Variants in PUDP observed in about 807,000 individuals in gnomAD.
PUDP encodes pseudouridine 5'-phosphatase, also known as pseudouridine-5'-phosphatase.
In PUDP, 8 loss-of-function variants were observed where a neutral mutation model predicts 9.4. The observed-to-expected ratio is 0.85, with a 90% confidence interval of 0.50 to 1.53. The LOEUF (loss-of-function observed/expected upper bound fraction) is 1.53. Ranked by LOEUF, PUDP falls within the 40% of genes most tolerant of loss-of-function variation. The pLI is 0.00. For missense variants in PUDP, 188 were observed against 189.7 expected (o/e 0.99, Z 0.05); for synonymous variants, 99 against 80.7 (o/e 1.23, Z -1.22).
At chrX:7,126,581 T>C (rs1348161927) in intron 1 of PUDP, among the ~76,000 whole-genome samples, 4 of 111,886 alleles carry the variant, frequency 3.6e-5, no homozygotes, top group Non-Finnish European at 7.5e-5. Context: ...TCTCCTTGGT[T>C]AGTAGATGCT....
chrX:7,147,991 C>T lies in PUDP; in HGVS notation c.61+62G>A, dbSNP rs1485215588. 8.7e-6 allele frequency: 8 copies of T among 920,510 alleles called. No homozygotes were observed. The East Asian group carries it at 1.2e-4, about 14-fold the overall frequency. 75.9% of individuals were successfully genotyped at this position (920,510 alleles called of 1,213,427 possible). A position where few individuals can be genotyped will look rare whatever the true frequency, so the allele number is the denominator to read the frequency against. On this transcript the variant is annotated intron_variant, in intron 1 of 3. Transcript: ENST00000381077. ...CCCCAGGCCGTGACGTACCCCGCGC[C>T]GACCGTCCCCACGCCCACACAAGAC... is the stretch of plus-strand genomic sequence containing the variant.
At chrX:7,134,076 T>C (rs1355752504) in intron 1 of PUDP, among the ~76,000 whole-genome samples, 2 of 112,175 alleles carry the variant, frequency 1.8e-5, no homozygotes, top group African/African-American at 3.2e-5. Context: ...GCCTGTGATA[T>C]GCTGCAAACC....
intron 3 of PUDP, among the ~76,000 whole-genome samples, chrX:6,925,319 AT>A (rs1347367761): frequency 9.0e-6 from 1 of 111,436 alleles, no homozygotes; most frequent in African/African-American, 3.3e-5. Context: ...ACATTTCTTC[AT>A]TTGTGTCTTC....
intron 3 of PUDP, among the ~76,000 whole-genome samples, chrX:6,737,062 A>G (rs1244996991): frequency 9.0e-6 from 1 of 111,047 alleles, no homozygotes; most frequent in Non-Finnish European, 1.9e-5. Flanking sequence ...GGACGAGACA[A>G]TGTAGAGAAA....
chrX:7,003,481 G>A (rs1489029765), intron 1 of PUDP, among the ~76,000 whole-genome samples: 2 of 111,709 alleles, frequency 1.8e-5, no homozygotes, highest in East Asian at 5.6e-4. Context: ...AACACTTAAA[G>A]GGAAACCATA....
intron 1 of PUDP, among the ~76,000 whole-genome samples, chrX:7,119,822 A>G (rs1303900548): frequency 8.9e-6 from 1 of 112,330 alleles, no homozygotes; most frequent in Non-Finnish European, 1.9e-5. Context: ...GTATGAAAAC[A>G]TATCTGTATT....
At chrX:6,825,665 A>G (rs1402371943) in intron 3 of PUDP, among the ~76,000 whole-genome samples, 1 of 110,381 alleles carries the variant, frequency 9.1e-6, no homozygotes, top group Non-Finnish European at 1.9e-5. Flanking sequence ...GCAGCATTCA[A>G]ACAAGAGGAA....
chrX:7,034,205 T>C lies in PUDP; in HGVS notation c.204+43015A>G, dbSNP rs759855569. ...ACAAGACAAAGCAGGGCACCAGCCC[T>C]ACCTTGGACCTTTCCTTAACTTGAG... On this transcript the variant is annotated intron_variant and NMD_transcript_variant, in intron 1 of 3. Transcript: ENST00000655425. Among the ~76,000 whole-genome samples the C allele has an allele frequency of 7.4e-4, 83 of 112,373 alleles. No homozygotes were observed. In the Middle Eastern group the frequency reaches 0.014, roughly 19 times the overall value.
intron 1 of PUDP, among the ~76,000 whole-genome samples, chrX:7,140,607 G>A (rs1022469437): frequency 2.7e-5 from 3 of 110,945 alleles, no homozygotes; most frequent in Admixed American, 9.6e-5. Context: ...GTGAATAATC[G>A]CAAAGATAAA....
chrX:6,717,603 C>T (rs188637794), intron 1 of PUDP, among the ~76,000 whole-genome samples: 8 of 111,980 alleles, frequency 7.1e-5, no homozygotes, highest in East Asian at 2.8e-4. Flanking sequence ...TCAGCAGGGA[C>T]GAGACCTGTG....
intron 3 of PUDP, among the ~76,000 whole-genome samples, chrX:6,743,816 T>A (rs1422611729): frequency 8.9e-6 from 1 of 112,200 alleles, no homozygotes; most frequent in African/African-American, 3.3e-5. Context: ...GCCAATTTGT[T>A]ATTTGGCATA....
chrX:6,720,256 G>GTATATATATA (rs1384554975), intron 1 of PUDP, among the ~76,000 whole-genome samples: 15 of 37,140 alleles, frequency 4.0e-4, no homozygotes, highest in African/African-American at 2.2e-3. Context: ...GTGTGTGTGT[G>GTATATATATA]TGTATATATA....
At chrX:6,754,013 G>C (rs1485040440) in intron 3 of PUDP, among the ~76,000 whole-genome samples, 1 of 111,418 alleles carries the variant, frequency 9.0e-6, no homozygotes, top group African/African-American at 3.3e-5. Flanking sequence ...TGTTTTTATT[G>C]CATGTGCTTT....
intron 3 of PUDP, among the ~76,000 whole-genome samples, chrX:6,855,643 G>A (rs978339507): frequency 2.7e-5 from 3 of 111,939 alleles, no homozygotes; most frequent in African/African-American, 9.7e-5. Flanking sequence ...TGTAGTCGGG[G>A]GAACAATTGT....
chrX:6,845,674 CTTTT>C (rs1926734911), intron 3 of PUDP, among the ~76,000 whole-genome samples: 1 of 94,747 alleles, frequency 1.1e-5, no homozygotes, highest in Non-Finnish European at 2.1e-5. Flanking sequence ...GTCTTCCTCT[CTTTT>C]CTTTACACTC....
chrX:6,741,127 C>A (rs1197421352), intron 3 of PUDP, among the ~76,000 whole-genome samples: 3 of 104,978 alleles, frequency 2.9e-5, no homozygotes, highest in South Asian at 8.6e-4. Flanking sequence ...CCACTGCACT[C>A]TAGCCTGGGC....
chrX:7,023,007 T>C (rs1261655148), intron 1 of PUDP, among the ~76,000 whole-genome samples: 1 of 111,159 alleles, frequency 9.0e-6, no homozygotes, highest in Non-Finnish European at 1.9e-5. Flanking sequence ...GAGAAAATAG[T>C]GCATGGTGCT....
At chrX:6,792,895 G>GA (rs766286666) in intron 3 of PUDP, among the ~76,000 whole-genome samples, 5 of 113,043 alleles carry the variant, frequency 4.4e-5, no homozygotes, top group Non-Finnish European at 7.5e-5. Flanking sequence ...ATAGGACTTA[G>GA]AATTACACGT....
At position 7,050,372 on chromosome X, in the gene PUDP, G is replaced by C. The variant is rs780874096; in HGVS notation, c.611C>G (p.Thr204Arg). The C allele has an allele frequency of 8.3e-7, 1 of 1,211,316 alleles. No homozygotes were observed. The highest frequency in any genetic ancestry group is 1.8e-5 in the South Asian group (1 of 56,925). Residue 204 changes from threonine (T) to arginine (R), a missense_variant, in exon 4 of 4, where the codon ACA becomes AGA. By Grantham distance (71) the Thr-to-Arg change is moderately conservative. Coordinates refer to ENST00000381077, the MANE Select transcript of PUDP (RefSeq NM_012080.5). ...ATTCAGCACCAGGGTGGCCTTTGTT[G>C]TCAGATCTCGGCTCAAGTTTCCGTC... The part of the protein sequence containing the change: ...VPDGNLSRDL[T>R]TKATLVLNSL...
Sources: allele counts gnomAD v4.1 joint callset (sites outside exome capture counted in the v4.1 genomes callset), GRCh38; gene constraint gnomAD v4.1.1; transcripts MANE v1.5; gene names NCBI Gene and HGNC (gene_info 2026-07-23, HGNC 2026-07-21).